The following ROCK1 variants were observed in gnomAD, a reference collection of about 807,000 sequenced individuals.
ROCK1 encodes Rho associated coiled-coil containing protein kinase 1.
A neutral mutation model predicts 196.8 loss-of-function variants in ROCK1; 36 were observed. That is an observed-to-expected ratio of 0.18 (90% CI 0.14 to 0.24). ROCK1 has a LOEUF of 0.24. ROCK1 is among the 10% of genes least tolerant of loss of function. ROCK1 has a pLI of 1.00. For missense variants in ROCK1, 920 were observed against 1,562.0 expected (o/e 0.59, Z 6.93); for synonymous variants, 443 against 515.9 (o/e 0.86, Z 1.91).
chr18:21,053,828 G>C (rs2036224566), intron 2 of ROCK1, among the ~76,000 whole-genome samples: 1 of 151,916 alleles, frequency 6.6e-6, no homozygotes, highest in South Asian at 2.1e-4. Context: ...CAGTCTTTTA[G>C]GGGAGGGAAA....
intron 27 of ROCK1, among the ~76,000 whole-genome samples, chr18:20,962,475 A>G (rs1009193796): frequency 2.0e-5 from 3 of 152,186 alleles, no homozygotes; most frequent in African/African-American, 7.2e-5. Flanking sequence ...AATACCCTAT[A>G]CTTTCACATT....
chr18:21,069,352 G>T (rs1568400833), intron 2 of ROCK1, among the ~76,000 whole-genome samples: 2 of 151,842 alleles, frequency 1.3e-5, no homozygotes, highest in Non-Finnish European at 2.9e-5. Context: ...CTAAAATTTT[G>T]TTATATTATT....
intron 1 of ROCK1, among the ~76,000 whole-genome samples, chr18:21,087,006 T>C (rs1363420834): frequency 1.3e-5 from 2 of 152,132 alleles, no homozygotes; most frequent in African/African-American, 4.8e-5. Context: ...TCAATGCATG[T>C]AAGAAGATAT....
At chr18:21,099,834 G>A (rs1036375160) in intron 1 of ROCK1, among the ~76,000 whole-genome samples, 1 of 152,030 alleles carries the variant, frequency 6.6e-6, no homozygotes, top group Non-Finnish European at 1.5e-5. Context: ...TCAGGAGTTC[G>A]AGACCAGCCT....
chr18:20,971,406 A>G (rs1448970854), intron 22 of ROCK1, among the ~76,000 whole-genome samples: 1 of 151,640 alleles, frequency 6.6e-6, no homozygotes, highest in African/African-American at 2.4e-5. Flanking sequence ...ACTAAGTACT[A>G]CACTATGTTT....
intron 14 of ROCK1, among the ~76,000 whole-genome samples, 176 bp from the exon 15 acceptor site, chr18:21,006,966 A>T (rs2035773996): frequency 6.6e-6 from 1 of 152,224 alleles, no homozygotes; most frequent in Admixed American, 6.5e-5. Flanking sequence ...ATTAAAAAGT[A>T]GAACATTATC....
chr18:21,006,333 A>C lies in ROCK1; in HGVS notation c.1885+18T>G, dbSNP rs2035768455. ...TTTCATGTTACGTATATTTTACCAC[A>C]ATAAGAAAAAATATTACCTTGAAGG... is the stretch of plus-strand genomic sequence containing the variant. On this transcript the variant is annotated intron_variant, in intron 16 of 32. Transcript: ENST00000399799. 1 of 1,587,102 alleles carries C rather than the reference A, an allele frequency of 6.3e-7. No homozygotes were observed. The highest frequency in any genetic ancestry group is 8.6e-7 in the Non-Finnish European group (1 of 1,168,470).
At chr18:20,979,603 C>T (rs2143383865) in intron 22 of ROCK1, among the ~76,000 whole-genome samples, 1 of 150,810 alleles carries the variant, frequency 6.6e-6, no homozygotes, top group African/African-American at 2.4e-5. Context: ...GCCTGAGTGA[C>T]AGAGCAAGAC....
At chr18:21,049,056 T>C (rs1161779775) in intron 4 of ROCK1, 36 bp downstream of exon 4, 15 of 1,525,254 alleles carry the variant, frequency 9.8e-6, no homozygotes, top group East Asian at 2.3e-5. Context: ...AGTTACAAAC[T>C]AATGCAGCAA....
chr18:21,020,520 A>C (rs2035905046), intron 11 of ROCK1, among the ~76,000 whole-genome samples: 1 of 152,222 alleles, frequency 6.6e-6, no homozygotes. Flanking sequence ...GAGAAAAAAG[A>C]AGCTACAATG....
chr18:21,077,961 GT>G, intron 1 of ROCK1, among the ~76,000 whole-genome samples: 2 of 152,282 alleles, frequency 1.3e-5, no homozygotes, highest in South Asian at 4.1e-4. Context: ...GTAAGGAATA[GT>G]CTTTGCAAAA....
intron 1 of ROCK1, among the ~76,000 whole-genome samples, chr18:21,106,398 G>T (rs1292317151): frequency 6.6e-6 from 1 of 152,168 alleles, no homozygotes; most frequent in Non-Finnish European, 1.5e-5. Context: ...CCCGTCCTAG[G>T]CTCAAGCAAT....
intron 1 of ROCK1, among the ~76,000 whole-genome samples, chr18:21,098,535 A>C (rs184820221): frequency 2.0e-5 from 3 of 152,300 alleles, no homozygotes; most frequent in Non-Finnish European, 4.4e-5. Context: ...ACTATGACTC[A>C]AAATTTTGAA....
chr18:21,062,888 A>C (rs997915798), intron 2 of ROCK1, among the ~76,000 whole-genome samples: 8 of 152,092 alleles, frequency 5.3e-5, no homozygotes, highest in Non-Finnish European at 1.0e-4. Context: ...TATAACAAGT[A>C]CTTACTATGC....
At chr18:21,016,193 T>TTATATATTGTTATTCTATTGGTAATAGAA (rs2035861920) in intron 12 of ROCK1, among the ~76,000 whole-genome samples, 1 of 152,132 alleles carries the variant, frequency 6.6e-6, no homozygotes, top group Admixed American at 6.6e-5. Context: ...GTAATAAAAA[T>TTATATATTGTTATTCTATTGGTAATAGAA]TAACAACTAC....
intron 16 of ROCK1, among the ~76,000 whole-genome samples, chr18:21,001,171 G>C (rs2035720831): frequency 6.6e-6 from 1 of 152,174 alleles, no homozygotes; most frequent in South Asian, 2.1e-4. Context: ...AAAAAAGCCT[G>C]ACACAAAAGG....
intron 9 of ROCK1, among the ~76,000 whole-genome samples, chr18:21,037,451 T>C (rs1266605082): frequency 6.6e-6 from 1 of 152,182 alleles, no homozygotes; most frequent in African/African-American, 2.4e-5. Flanking sequence ...ACATAAGTTT[T>C]AAAAATTTAG....
At chr18:21,108,225 A>T (rs2036720452) in intron 1 of ROCK1, among the ~76,000 whole-genome samples, 1 of 152,230 alleles carries the variant, frequency 6.6e-6, no homozygotes, top group South Asian at 2.1e-4. Flanking sequence ...TATTCTCTTT[A>T]ACAAAATGTT....
At position 20,958,101 on chromosome 18, in the gene ROCK1, C is replaced by A. The variant is rs1374573521; in HGVS notation, c.3512+1739G>T. 2.6e-5 allele frequency among the ~76,000 whole-genome samples: 4 copies of A among 152,250 alleles called. No homozygotes were observed. In the East Asian group the frequency reaches 7.7e-4, roughly 29 times the overall value. ...ACCTTAATAAAGAGAGGAAAGAAAT[C>A]TCTCATCAATCTAAAAAGTATTTAA... On this transcript the variant is annotated intron_variant, in intron 29 of 32. Coordinates refer to ENST00000399799, the MANE Select transcript of ROCK1 (RefSeq NM_005406.3).
Sources: allele counts gnomAD v4.1 joint callset (sites outside exome capture counted in the v4.1 genomes callset), GRCh38; gene constraint gnomAD v4.1.1; transcripts MANE v1.5; gene names NCBI Gene and HGNC (gene_info 2026-07-23, HGNC 2026-07-21).